The following TSPEAR variants were observed in gnomAD, a reference collection of about 807,000 sequenced individuals.
TSPEAR encodes thrombospondin-type laminin G domain and EAR repeat-containing protein.
TSPEAR carries 69 observed loss-of-function variants against 71.6 expected under a neutral mutation model. The ratio of observed to expected loss-of-function variants is 0.96; its 90% CI spans 0.79 to 1.18. The LOEUF (loss-of-function observed/expected upper bound fraction) is 1.18, where lower values mean the gene tolerates loss of function less well. Ranked by LOEUF, TSPEAR falls within the 50% of genes most tolerant of loss-of-function variation. The probability of loss-of-function intolerance (pLI) is 0.00; values close to 1 mark genes in which losing one functional copy is unlikely to be tolerated. For missense variants in TSPEAR, 971 were observed against 894.9 expected (o/e 1.09, Z -1.09); for synonymous variants, 402 against 387.2 (o/e 1.04, Z -0.45).
At chr21:44,596,957 T>G (rs1191939737) in intron 1 of TSPEAR, among the ~76,000 whole-genome samples, 2 of 152,188 alleles carry the variant, frequency 1.3e-5, no homozygotes, top group African/African-American at 4.8e-5. Flanking sequence ...TTTATAATGT[T>G]TTCTCTCCTG....
At chr21:44,592,649 G>A (rs1028349234) in intron 1 of TSPEAR, 2 of 1,103,308 alleles carry the variant, frequency 1.8e-6, no homozygotes, top group African/African-American at 1.6e-5. Flanking sequence ...CGCCCGTGAT[G>A]TGGGCCAGCT....
At chr21:44,618,991 T>C (rs1205394474) in intron 1 of TSPEAR, among the ~76,000 whole-genome samples, 1 of 152,170 alleles carries the variant, frequency 6.6e-6, no homozygotes, top group Non-Finnish European at 1.5e-5. Context: ...CGTGCATGTC[T>C]ATGATGGGGC....
intron 2 of TSPEAR, chr21:44,540,065 G>T (rs267606159): frequency 3.7e-6 from 6 of 1,613,256 alleles, no homozygotes; most frequent in Non-Finnish European, 4.2e-6. Flanking sequence ...GCAGCAGTGG[G>T]GCTCACAGCA....
chr21:44,509,131 C>T (rs1399224553), intron 10 of TSPEAR, 68 bp downstream of exon 10: 56 of 1,535,160 alleles, frequency 3.6e-5, no homozygotes, highest in Middle Eastern at 1.8e-4. Flanking sequence ...ATGAGCCTAA[C>T]GGGGATTCCG....
chr21:44,657,798 C>A (rs587691433), intron 1 of TSPEAR: 5 of 622,920 alleles, frequency 8.0e-6, no homozygotes, highest in South Asian at 7.6e-5. Context: ...TGGAGCATGA[C>A]GCGGGAAAGT....
chr21:44,604,774 T>A (rs2146160109), intron 1 of TSPEAR, among the ~76,000 whole-genome samples: 1 of 152,368 alleles, frequency 6.6e-6, no homozygotes, highest in Non-Finnish European at 1.5e-5. Context: ...CTATGTCTAT[T>A]TTCTTGAGAG....
intron 1 of TSPEAR, among the ~76,000 whole-genome samples, chr21:44,649,982 G>C (rs1984679368): frequency 6.6e-6 from 1 of 152,198 alleles, no homozygotes; most frequent in African/African-American, 2.4e-5. Context: ...AGCACCGTGG[G>C]AGGCCGAGGA....
chr21:44,540,067 C>T (rs199994041), intron 2 of TSPEAR: 28 of 1,613,366 alleles, frequency 1.7e-5, no homozygotes, highest in Non-Finnish European at 2.3e-5. Context: ...AGCAGTGGGG[C>T]TCACAGCAGC....
chr21:44,616,748 A>G lies in TSPEAR; in HGVS notation c.83-48743T>C, dbSNP rs373193905. 5.3e-5 allele frequency among the ~76,000 whole-genome samples: 8 copies of G among 152,376 alleles called. 1 individual carries two copies. Among genetic ancestry groups the G allele is most frequent in the Admixed American group, 1.3e-4 (2 of 15,310 alleles). ...ACCGGACACCTGGCTCAGCGCAGGC[A>G]GCGCACGGACAGAGTCTGCGGTGTG... is the stretch of plus-strand genomic sequence containing the variant. On this transcript the variant is annotated intron_variant, in intron 1 of 11. Coordinates refer to ENST00000323084, the MANE Select transcript of TSPEAR (RefSeq NM_144991.3).
chr21:44,648,679 C>T (rs587605849), intron 1 of TSPEAR, among the ~76,000 whole-genome samples: 4 of 152,210 alleles, frequency 2.6e-5, no homozygotes, highest in East Asian at 1.9e-4. Context: ...GTGCAGCCAG[C>T]GGGCAGACGC....
At chr21:44,706,383 G>A (rs1459492339) in intron 1 of TSPEAR, among the ~76,000 whole-genome samples, 2 of 150,244 alleles carry the variant, frequency 1.3e-5, no homozygotes, top group East Asian at 2.0e-4. Flanking sequence ...ACGCACACAC[G>A]CGCGTGCACC....
intron 1 of TSPEAR, among the ~76,000 whole-genome samples, chr21:44,669,949 G>A (rs995681622): frequency 2.6e-5 from 4 of 152,206 alleles, no homozygotes; most frequent in African/African-American, 7.2e-5. Context: ...ACCCCAGGAA[G>A]GAGGCACGCT....
Position 44,508,507 on chromosome 21 carries a change from T to C in TSPEAR, c.1754+692A>G, listed in dbSNP as rs587600305. 8.3e-6 allele frequency: 9 copies of C among 1,088,130 alleles called. No individual in the cohort carries two copies. The East Asian group carries it at 4.9e-4, about 60-fold the overall frequency. The allele number at this position is 1,088,130 out of a possible 1,614,324, so 67.4% of individuals were successfully genotyped here. On this transcript the variant is annotated intron_variant, in intron 10 of 11. Transcript: ENST00000323084. Reference sequence around the variant, plus strand: ...GCCCCTGGCTCTGGGATCTGGGTAATACGGATTCGATTGCAGGTTTATTCA... The same window carrying C: ...GCCCCTGGCTCTGGGATCTGGGTAACACGGATTCGATTGCAGGTTTATTCA...
intron 2 of TSPEAR, 71 bp downstream of exon 2, chr21:44,567,714 G>A (rs2053720767): frequency 7.5e-6 from 10 of 1,340,898 alleles, no homozygotes; most frequent in East Asian, 2.4e-5. Context: ...ACCTGTGCAC[G>A]CGTTGGTACT....
In TSPEAR at chr21:44,525,644, C is replaced by A. The variant is rs2052840374; in HGVS notation, c.1336+9G>T. The A allele has an allele frequency of 1.2e-6, 2 of 1,613,636 alleles. No individual in the cohort carries two copies. Among genetic ancestry groups the A allele is most frequent in the Admixed American group, 3.3e-5 (2 of 59,976 alleles). On this transcript the variant is annotated intron_variant, in intron 8 of 11. Transcript: ENST00000323084. Reference sequence around the variant, plus strand: ...TTGCCTCCCGGTGTGAAGGCCACTCCTGCCCTACCTTCCCGGTGGTTGGCC... The same window carrying A: ...TTGCCTCCCGGTGTGAAGGCCACTCATGCCCTACCTTCCCGGTGGTTGGCC...
At chr21:44,654,542 AGGT>A (rs782682204) in intron 1 of TSPEAR, 6 of 1,611,946 alleles carry the variant, frequency 3.7e-6, no homozygotes, top group Non-Finnish European at 5.1e-6. Flanking sequence ...GGTGGGTAGC[AGGT>A]GCTGGGGACA....
intron 1 of TSPEAR, chr21:44,601,692 G>A (rs370092): frequency 0.086 from 139,338 of 1,612,370 alleles, 11,494 homozygotes; most frequent in African/African-American, 0.41. Context: ...GCTCCCGCCC[G>A]GCCTGCTGTG....
chr21:44,525,233 G>C (rs587637512), intron 8 of TSPEAR, among the ~76,000 whole-genome samples: 6 of 152,190 alleles, frequency 3.9e-5, no homozygotes, highest in African/African-American at 1.4e-4. Flanking sequence ...CAGTCAGTCA[G>C]GTAGTTAGTC....
At chr21:44,565,475 C>T (rs2053690820) in intron 2 of TSPEAR, among the ~76,000 whole-genome samples, 1 of 152,124 alleles carries the variant, frequency 6.6e-6, no homozygotes, top group African/African-American at 2.4e-5. Flanking sequence ...CAACAAGATA[C>T]TAGCAATCTG....
Sources: gnomAD v4.1 joint callset for allele counts (sites outside exome capture counted in the v4.1 genomes callset) on GRCh38, gnomAD v4.1.1 for gene constraint, MANE v1.5 for transcripts, NCBI Gene and HGNC (gene_info 2026-07-23, HGNC 2026-07-21) for gene names.